GAL: variants seen among roughly 807,000 people sequenced by gnomAD.
GAL encodes the protein galanin peptides.
Under a neutral mutation model 15.8 loss-of-function variants are expected in GAL, and 14 were observed. The observed-to-expected ratio is 0.89, with a 90% CI of 0.59 to 1.39. The LOEUF is 1.39. GAL is among the 40% of genes most tolerant of loss of function. The probability of loss-of-function intolerance (pLI) is 0.00; values close to 1 mark genes in which losing one functional copy is unlikely to be tolerated. For synonymous variants in GAL, 79 were observed against 73.8 expected (o/e 1.07, Z -0.36); for missense variants, 176 against 170.4 (o/e 1.03, Z -0.18).
intron 5 of GAL, among the ~76,000 whole-genome samples, chr11:68,690,163 AGGG>A (rs1011223344): frequency 7.3e-6 from 1 of 137,870 alleles, no homozygotes; most frequent in Admixed American, 7.2e-5. Context: ...GAGGTGGTGG[AGGG>A]GAGGAGGGAT....
At position 68,689,042 on chromosome 11, in the gene GAL, G is replaced by A. The variant is rs551602047; in HGVS notation, c.301+116G>A. 5.3e-5 allele frequency: 35 copies of A among 655,118 alleles called. No individual in the cohort carries two copies. The East Asian group carries it at 7.7e-4, about 14-fold the overall frequency. The allele number at this position is 655,118 out of a possible 1,614,324, so 40.6% of individuals were successfully genotyped here. ...GGGAAGTAGCCGATTACTTATCTAC[G>A]TACAAAGTCCTGTTTGGCTGTGTGT... On this transcript the variant is annotated intron_variant, in intron 5 of 5. Transcript: ENST00000265643.
At chr11:68,685,478 C>A in intron 2 of GAL, 116 bp from the exon 3 acceptor site, 1 of 740,724 alleles carries the variant, frequency 1.4e-6, no homozygotes, top group Non-Finnish European at 2.4e-6. Context: ...CGCGAGCTAT[C>A]CAAAAGCACA....
chr11:68,685,488 A>G (rs1945842985), intron 2 of GAL, 106 bp from the exon 3 acceptor site: 11 of 777,318 alleles, frequency 1.4e-5, no homozygotes, highest in Non-Finnish European at 2.1e-5. Flanking sequence ...CCAAAAGCAC[A>G]TGCATTGTTC....
At chr11:68,685,723 T>C in intron 3 of GAL, 75 bp downstream of exon 3, 1 of 1,036,590 alleles carries the variant, frequency 9.6e-7, no homozygotes, top group Non-Finnish European at 1.5e-6. Flanking sequence ...CTCCTGCCCC[T>C]CCGCCTGCGG....
Position 68,684,978 on chromosome 11 carries a change from T to C in GAL, c.55T>C (p.Ser19Pro), listed in dbSNP as rs746008445. The C allele has an allele frequency of 1.9e-6, 3 of 1,606,698 alleles. No individual in the cohort carries two copies. Among genetic ancestry groups the C allele is most frequent in the Non-Finnish European group, 2.5e-6 (3 of 1,176,832 alleles). Residue 19 changes from serine (S) to proline (P), a missense_variant, in exon 2 of 6, where the codon TCT (serine) becomes CCT (proline). Coordinates refer to ENST00000265643, the MANE Select transcript of GAL (RefSeq NM_015973.5). The part of the protein sequence containing the change: ...LASLLLAAAL[S>P]ASAGLWSPAK... ...CTCCCTCCTCCTCGCCGCGGCCCTTTCTGCCTCTGCGGGGCTCTGGTCGCC... is the reference window on the plus strand; with the variant it reads ...CTCCCTCCTCCTCGCCGCGGCCCTTCCTGCCTCTGCGGGGCTCTGGTCGCC...
intron 3 of GAL, among the ~76,000 whole-genome samples, chr11:68,685,999 C>A (rs1199692923): frequency 6.6e-6 from 1 of 152,208 alleles, no homozygotes; most frequent in African/African-American, 2.4e-5. Context: ...CACCCTAGGT[C>A]AGCGGACCCC....
intron 3 of GAL, 86 bp from the exon 4 acceptor site, chr11:68,687,928 C>T: frequency 1.2e-6 from 1 of 810,826 alleles, no homozygotes; most frequent in Non-Finnish European, 2.2e-6. Flanking sequence ...GTGTTGGCTA[C>T]AGGCAGCCCT....
chr11:68,685,692 G>T (rs377221826), intron 3 of GAL, 44 bp downstream of exon 3: 18 of 1,443,330 alleles, frequency 1.2e-5, no homozygotes, highest in Non-Finnish European at 1.7e-5. Context: ...GACCCCACCT[G>T]CCCCTCGCTT....
chr11:68,687,890 C>A (rs954728307), intron 3 of GAL, 124 bp from the exon 4 acceptor site: 3 of 661,002 alleles, frequency 4.5e-6, no homozygotes, highest in African/African-American at 3.6e-5. Context: ...TGTCCCTGGG[C>A]TCTATTTCAC....
rs1945900647 is a variant in GAL at position 68,691,044 on chromosome 11, A to C, written c.*57A>C. On this transcript the variant is annotated 3_prime_UTR_variant, in exon 6 of 6. Transcript: ENST00000265643. ...TAACCTGAAGTCAAACCTTAAGATA[A>C]TGGATAATCTTCGGCCAATTTATGC... 1.8e-6 allele frequency: 2 copies of C among 1,086,082 alleles called. No homozygotes were observed. Among genetic ancestry groups the C allele is most frequent in the East Asian group, 2.4e-5 (1 of 42,270 alleles). 67.3% of individuals were successfully genotyped at this position (1,086,082 alleles called of 1,614,324 possible).
Position 68,688,081 on chromosome 11 carries a change from C to G in GAL, c.204C>G (p.Pro68=). 1 of 1,610,736 alleles carries G rather than the reference C, an allele frequency of 6.2e-7. No homozygotes were observed. The highest frequency in any genetic ancestry group is 8.5e-7 in the Non-Finnish European group (1 of 1,177,152). The change falls in exon 4 of 6, where the codon CCC becomes CCG. Residue 68 remains proline (P), a synonymous_variant. Transcript: ENST00000265643. ...NGLTSKRELR[P]EDDMKPGSFD... ...TCACCAGCAAGCGGGAGCTGCGGCC[C>G]GAAGATGACATGAAACCAGGTGAGA... is the stretch of plus-strand genomic sequence containing the variant.
intron 3 of GAL, among the ~76,000 whole-genome samples, chr11:68,687,486 C>G (rs1426096619): frequency 1.2e-4 from 18 of 152,124 alleles, no homozygotes; most frequent in Admixed American, 1.1e-3. Flanking sequence ...CCTCTGTGAC[C>G]CTCTCGCTCC....
chr11:68,689,895 G>A (rs1222584727), intron 5 of GAL, among the ~76,000 whole-genome samples: 1 of 152,236 alleles, frequency 6.6e-6, no homozygotes, highest in Non-Finnish European at 1.5e-5. Flanking sequence ...ATTCTACGAT[G>A]GGCATCTGGC....
intron 5 of GAL, among the ~76,000 whole-genome samples, chr11:68,689,959 C>T (rs530865495): frequency 6.6e-6 from 1 of 152,216 alleles, no homozygotes; most frequent in African/African-American, 2.4e-5. Context: ...AGCCGGAAAG[C>T]GGCCCCGGTG....
chr11:68,685,747 C>G, intron 3 of GAL, 99 bp downstream of exon 3: 1 of 788,652 alleles, frequency 1.3e-6, no homozygotes, highest in Non-Finnish European at 2.2e-6. Context: ...GGCAGACCCT[C>G]TGGCCTCCCT....
chr11:68,690,897 T>C lies in GAL; in HGVS notation c.302-20T>C. The C allele has an allele frequency of 6.4e-7, 1 of 1,566,704 alleles. No individual in the cohort carries two copies. Among genetic ancestry groups the C allele is most frequent in the Non-Finnish European group, 8.8e-7 (1 of 1,137,598 alleles). On this transcript the variant is annotated intron_variant, in intron 5 of 5. Transcript: ENST00000265643. ...GCATATTAAGAAGTTGCTGCTCAGA[T>C]GTGGCTCTTCCCTTTGCAGAGGCCG...
At chr11:68,688,222 T>G (rs1945872859) in intron 4 of GAL, 122 bp downstream of exon 4, 3 of 676,424 alleles carry the variant, frequency 4.4e-6, no homozygotes, top group Non-Finnish European at 5.4e-6. Flanking sequence ...GGCCATGACT[T>G]GACTAAGACG....
chr11:68,688,484 C>A (rs1421244529), intron 4 of GAL, among the ~76,000 whole-genome samples: 1 of 152,196 alleles, frequency 6.6e-6, no homozygotes, highest in Non-Finnish European at 1.5e-5. Context: ...TAAAAATTAG[C>A]CAGGCGTGGT....
At position 68,688,008 on chromosome 11, in the gene GAL, A is replaced by C; in HGVS notation, c.137-6A>C. On this transcript the variant is annotated splice_region_variant and splice_polypyrimidine_tract_variant and intron_variant, in intron 3 of 5. Transcript: ENST00000265643. ...CCAGAGGCTTTCCTCTCTGATCTGC[A>C]AACAGATGCCGTTGGCAACCACAGG... 1 of 1,599,796 alleles carries C rather than the reference A, an allele frequency of 6.3e-7. No homozygotes were observed. The highest frequency in any genetic ancestry group is 8.6e-7 in the Non-Finnish European group (1 of 1,167,312).
Sources: gnomAD v4.1 joint callset for allele counts (sites outside exome capture counted in the v4.1 genomes callset) on GRCh38, gnomAD v4.1.1 for gene constraint, MANE v1.5 for transcripts, NCBI Gene and HGNC (gene_info 2026-07-23, HGNC 2026-07-21) for gene names.